The following PIGT variants were observed in gnomAD, a reference collection of about 807,000 sequenced individuals.
PIGT encodes the protein GPI-anchor transamidase component PIGT.
A neutral mutation model predicts 66.7 loss-of-function variants in PIGT; 57 were observed. That is an observed-to-expected ratio of 0.86 (90% CI 0.69 to 1.07). The LOEUF (loss-of-function observed/expected upper bound fraction) is 1.07, where lower values mean the gene tolerates loss of function less well. PIGT is among the 50% of genes least tolerant of loss of function. The pLI, the probability that PIGT is intolerant of heterozygous loss-of-function variation, is 0.00. For synonymous variants in PIGT, 362 were observed against 320.5 expected (o/e 1.13, Z -1.38); for missense variants, 725 against 740.4 (o/e 0.98, Z 0.24).
chr20:45,421,601 G>T lies in PIGT; in HGVS notation c.1234+18G>T. 4 of 1,609,272 alleles carry T rather than the reference G, an allele frequency of 2.5e-6. No individual in the cohort carries two copies. In the East Asian group the frequency reaches 6.7e-5, roughly 27 times the overall value. On this transcript the variant is annotated intron_variant, in intron 9 of 11. Coordinates refer to ENST00000279036, the MANE Select transcript of PIGT (RefSeq NM_015937.6). ...CAAACCAAGTGAGGACCTGAGTCCT[G>T]AACCAGGCCCCCAGCCCGCCCTCTC...
rs528787680 is a variant in PIGT, at chr20:45,419,950, A to AC, written c.682-186_682-185insC. 3.9e-4 allele frequency: 236 copies of AC among 608,610 alleles called. 1 individual carries two copies. Among genetic ancestry groups the AC allele is most frequent in the African/African-American group, 3.8e-3 (206 of 54,160 alleles). 37.7% of individuals were successfully genotyped at this position (608,610 alleles called of 1,614,324 possible). ...CCTAGGGTTGTTGTGATAGTTTATCAAACTGATGCACATACAGCTGTCAGC... is the reference window on the plus strand; with the variant it reads ...CCTAGGGTTGTTGTGATAGTTTATCACAACTGATGCACATACAGCTGTCAGC... On this transcript the variant is annotated intron_variant, in intron 5 of 11. Coordinates refer to ENST00000279036, the MANE Select transcript of PIGT (RefSeq NM_015937.6).
chr20:45,421,199 G>A (rs1380732218), intron 8 of PIGT, 184 bp from the exon 9 acceptor site: 4 of 604,838 alleles, frequency 6.6e-6, no homozygotes, highest in Non-Finnish European at 1.2e-5. Flanking sequence ...GCAACCTATT[G>A]TCATCATCGC....
Position 45,420,680 on chromosome 20 carries a change from A to AC in PIGT, c.1025dup (p.Glu343ArgfsTer3). On this transcript the variant is annotated frameshift_variant, in exon 8 of 12. Coordinates refer to ENST00000279036, the MANE Select transcript of PIGT (RefSeq NM_015937.6). LOFTEE classifies it high-confidence loss of function. ...TCAACATCCAGCTCAAGTGGAAGAG[A>AC]CCCCCAGAGAATGGTGAGTGGGTGG... 6.2e-7 allele frequency: 1 copy of AC among 1,613,570 alleles called. No homozygotes were observed.
At position 45,420,673 on chromosome 20, in the gene PIGT, G is replaced by A. The variant is rs770335311; in HGVS notation, c.1013G>A (p.Trp338Ter). ...CGAAACCTCAACATCCAGCTCAAGT[G>A]GAAGAGACCCCCAGAGAATGGTGAG... ...NSRNLNIQLK[W>*]KRPPENEAPP... The change falls in exon 8 of 12, where the codon TGG (tryptophan) becomes TAG (stop). Residue 338 changes from tryptophan (W) to a stop codon, truncating the protein, a stop_gained. Coordinates refer to ENST00000279036, the MANE Select transcript of PIGT (RefSeq NM_015937.6). LOFTEE classifies it high-confidence loss of function. The A allele has an allele frequency of 6.2e-7, 1 of 1,613,936 alleles. No homozygotes were observed.
rs957022259 is a variant in PIGT, at chr20:45,419,097, G to A, written c.493+118G>A. 6.0e-6 allele frequency: 8 copies of A among 1,334,414 alleles called. No homozygotes were observed. In the African/African-American group the frequency reaches 8.6e-5, roughly 14 times the overall value. The allele number at this position is 1,334,414 out of a possible 1,614,324, so 82.7% of individuals were successfully genotyped here. On this transcript the variant is annotated intron_variant, in intron 3 of 11. Coordinates refer to ENST00000279036, the MANE Select transcript of PIGT (RefSeq NM_015937.6). Reference sequence around the variant, plus strand: ...GGGCTAGATCCTAAGTCCCCTGTGTGTGCAGGCCCCCAATACTGTGCCATC... The same window carrying A: ...GGGCTAGATCCTAAGTCCCCTGTGTATGCAGGCCCCCAATACTGTGCCATC...
chr20:45,421,445 G>C lies in PIGT; in HGVS notation c.1096G>C (p.Gly366Arg), dbSNP rs571714796. The change falls in exon 9 of 12, where the codon GGG (glycine) becomes CGG (arginine). Residue 366 changes from glycine (G) to arginine (R), a missense_variant. Physicochemically the swap from Gly to Arg is moderately radical, Grantham distance 125 (BLOSUM62 -2). Coordinates refer to ENST00000279036, the MANE Select transcript of PIGT (RefSeq NM_015937.6). ...CGTGAGTGGCTATGGGCTGCAGAAG[G>C]GGGAGCTGAGCACACTGCTGTACAA... Reference protein sequence around the residue: ...RYVSGYGLQKGELSTLLYNTH... With the variant: ...RYVSGYGLQKRELSTLLYNTH... 2 of 1,614,172 alleles carry C rather than the reference G, an allele frequency of 1.2e-6. No homozygotes were observed. The highest frequency in any genetic ancestry group is 2.2e-5 in the East Asian group (1 of 44,882).
At position 45,418,668 on chromosome 20, in the gene PIGT, G is replaced by A. The variant is rs79712339; in HGVS notation, c.366-184G>A. The A allele has an allele frequency of 0.045, 28,539 of 629,306 alleles. 998 individuals carry two copies. The highest frequency in any genetic ancestry group is 0.13 in the South Asian group (7,252 of 56,946). The allele number at this position is 629,306 out of a possible 1,614,324, so 39.0% of individuals were successfully genotyped here. A position where few individuals can be genotyped will look rare whatever the true frequency, so the allele number is the denominator to read the frequency against. ...AGAGGAGAGTGAGGAAGAAGGGGCT[G>A]AGTAGGATGAGACCCAGCAAGTGGG... On this transcript the variant is annotated intron_variant, in intron 2 of 11. Transcript: ENST00000279036.
rs529232500 is a variant in PIGT at position 45,420,842 on chromosome 20, C to T, written c.1033+149C>T. ...CTGACTGTAGCTATTCCAAGCTCTA[C>T]GATTTTGGGTAGGTTCCTAAACTCC... On this transcript the variant is annotated intron_variant, in intron 8 of 11. Coordinates refer to ENST00000279036, the MANE Select transcript of PIGT (RefSeq NM_015937.6). The T allele has an allele frequency of 1.6e-4, 124 of 788,668 alleles. 1 individual carries two copies. The highest frequency in any genetic ancestry group is 1.0e-3 in the South Asian group (57 of 57,270). 48.9% of individuals were successfully genotyped at this position (788,668 alleles called of 1,614,324 possible).
intron 2 of PIGT, chr20:45,417,565 C>G (rs1259261836): frequency 6.6e-6 from 1 of 152,164 alleles, no homozygotes; most frequent in South Asian, 2.1e-4. Flanking sequence ...TGGGTTCAAG[C>G]GATCCTCCTG....
At chr20:45,423,876 A>T (rs984447305) in intron 9 of PIGT, 11 of 312,054 alleles carry the variant, frequency 3.5e-5, no homozygotes, top group African/African-American at 2.3e-4. Flanking sequence ...TTCATGTCCC[A>T]CATTTTTGGC....
At chr20:45,419,655 T>C (rs1386021478) in intron 5 of PIGT, 65 bp downstream of exon 5, 1 of 1,167,956 alleles carries the variant, frequency 8.6e-7, no homozygotes. Flanking sequence ...GTAAAGCATG[T>C]GGTCAGTGTC....
In PIGT at chr20:45,419,275, C is replaced by G; in HGVS notation, c.494-20C>G. Reference sequence around the variant, plus strand: ...GTCAGAGCCCAAGGCCCACCCCAGACAGACCTCTGTCTCCCTCAGACACTG... The same window carrying G: ...GTCAGAGCCCAAGGCCCACCCCAGAGAGACCTCTGTCTCCCTCAGACACTG... On this transcript the variant is annotated intron_variant, in intron 3 of 11. Coordinates refer to ENST00000279036, the MANE Select transcript of PIGT (RefSeq NM_015937.6). The G allele has an allele frequency of 6.2e-7, 1 of 1,604,358 alleles. No individual in the cohort carries two copies. The highest frequency in any genetic ancestry group is 8.5e-7 in the Non-Finnish European group (1 of 1,171,464).
intron 9 of PIGT, chr20:45,422,334 G>C (rs1316809439): frequency 6.6e-6 from 1 of 152,004 alleles, no homozygotes; most frequent in African/African-American, 2.4e-5. Context: ...CATCCTAACT[G>C]CATATTCTAT....
In PIGT at chr20:45,425,447, G is replaced by A. The variant is rs894230735; in HGVS notation, c.1485-127G>A. 8 of 881,238 alleles carry A rather than the reference G, an allele frequency of 9.1e-6. No homozygotes were observed. The African/African-American group carries it at 1.1e-4, about 12-fold the overall frequency. The allele number at this position is 881,238 out of a possible 1,614,324, so 54.6% of individuals were successfully genotyped here. ...TAGAGATTGAGCTATGCCTTCTGTT[G>A]AAAGGTTTTGAGCCTAAGAGAACAT... is the stretch of plus-strand genomic sequence containing the variant. On this transcript the variant is annotated intron_variant, in intron 11 of 11. Transcript: ENST00000279036.
Position 45,419,350 on chromosome 20 carries a change from C to G in PIGT, c.549C>G (p.Thr183=). ...TGCTGCCGCGGGAGGTGGTCTGCAC[C>G]GAAAACCTCACCCCCTGGAAGAAGC... is the stretch of plus-strand genomic sequence containing the variant. ...YAVLPREVVC[T]ENLTPWKKLL... The change falls in exon 4 of 12, where the codon ACC becomes ACG. Residue 183 remains threonine (T), a synonymous_variant. Transcript: ENST00000279036. 6 of 1,614,070 alleles carry G rather than the reference C, an allele frequency of 3.7e-6. No individual in the cohort carries two copies. The highest frequency in any genetic ancestry group is 5.1e-6 in the Non-Finnish European group (6 of 1,179,958).
rs569625672 is a variant in PIGT, at chr20:45,421,385, G to C, written c.1036G>C (p.Ala346Pro). The C allele has an allele frequency of 6.8e-6, 11 of 1,612,362 alleles. No homozygotes were observed. The highest frequency in any genetic ancestry group is 3.3e-4 in the Middle Eastern group (2 of 6,054). ...ACTGTTGATATTTCTTTACACAGAG[G>C]CCCCCCCAGTGCCCTTCCTGCATGC... ...LKWKRPPENEAPPVPFLHAQR... is the reference protein window; with the variant it reads ...LKWKRPPENEPPPVPFLHAQR... The change falls in exon 9 of 12, where the codon GCC (alanine) becomes CCC (proline). Residue 346 changes from alanine (A) to proline (P), a missense_variant and splice_region_variant. Physicochemically the swap from Ala to Pro is conservative, Grantham distance 27. This residue lies in a region of PIGT where 559 missense variants were observed against 552.7 expected (regional missense o/e 1.01). Coordinates refer to ENST00000279036, the MANE Select transcript of PIGT (RefSeq NM_015937.6).
intron 2 of PIGT, 127 bp downstream of exon 2, chr20:45,416,821 G>A: frequency 1.3e-6 from 1 of 798,796 alleles, no homozygotes; most frequent in Non-Finnish European, 1.9e-6. Flanking sequence ...GGTAGAGCTG[G>A]CATTGGAAGT....
intron 2 of PIGT, chr20:45,418,182 C>G (rs1990106061): frequency 6.5e-6 from 1 of 153,498 alleles, no homozygotes; most frequent in Non-Finnish European, 1.5e-5. Flanking sequence ...GGATATAAGA[C>G]TTCTCACCAT....
In PIGT at chr20:45,421,463, C is replaced by T. The variant is rs1990362094; in HGVS notation, c.1114C>T (p.Leu372=). The T allele has an allele frequency of 6.2e-7, 1 of 1,614,092 alleles. No homozygotes were observed. Among genetic ancestry groups the T allele is most frequent in the Admixed American group, 1.7e-5 (1 of 60,006 alleles). The change falls in exon 9 of 12, where the codon CTG becomes TTG. Residue 372 remains leucine (L), a synonymous_variant. Transcript: ENST00000279036. ...GLQKGELSTL[L]YNTHPYRAFP... ...GCAGAAGGGGGAGCTGAGCACACTG[C>T]TGTACAACACCCACCCATACCGGGC...
Sources: allele counts gnomAD v4.1 joint callset, GRCh38; gene constraint gnomAD v4.1.1; regional missense constraint gnomAD v4.1.1; transcripts MANE v1.5; gene names NCBI Gene and HGNC (gene_info 2026-07-23, HGNC 2026-07-21).